Variants in FGF14 observed in about 807,000 individuals in gnomAD.
FGF14 encodes the protein fibroblast growth factor homologous factor 4.
FGF14 carries 5 observed loss-of-function variants against 25.5 expected under a neutral mutation model. That is an observed-to-expected ratio of 0.20 (90% CI 0.10 to 0.41). The LOEUF (loss-of-function observed/expected upper bound fraction) is 0.41, where lower values mean the gene tolerates loss of function less well. Ranked by LOEUF, FGF14 falls within the 10% of genes least tolerant of loss-of-function variation. The pLI is 1.00. For missense variants in FGF14, 222 were observed against 320.1 expected (o/e 0.69, Z 2.34); for synonymous variants, 138 against 118.3 (o/e 1.17, Z -1.08).
intron 1 of FGF14, among the ~76,000 whole-genome samples, chr13:101,987,977 C>T (rs530804140): frequency 6.6e-6 from 1 of 152,112 alleles, no homozygotes; most frequent in East Asian, 1.9e-4. Context: ...TTTTCATTAC[C>T]ACTCTAGAAT....
intron 1 of FGF14, among the ~76,000 whole-genome samples, chr13:101,894,909 A>T (rs935184417): frequency 5.9e-5 from 9 of 152,300 alleles, no homozygotes; most frequent in African/African-American, 1.9e-4. Context: ...AAAGAAAAAA[A>T]ATATTAATTC....
intron 3 of FGF14, among the ~76,000 whole-genome samples, chr13:101,812,599 A>T (rs2041581051): frequency 4.2e-5 from 4 of 95,160 alleles, no homozygotes; most frequent in Admixed American, 1.3e-4. Context: ...CTATTTTTTT[A>T]TATTTTTAAA....
At chr13:101,907,352 C>A (rs971424757) in intron 1 of FGF14, among the ~76,000 whole-genome samples, 1 of 152,052 alleles carries the variant, frequency 6.6e-6, no homozygotes, top group Non-Finnish European at 1.5e-5. Context: ...CCAAATATAT[C>A]GTCACTATAA....
chr13:102,213,622 A>G (rs1482860260), intron 1 of FGF14, among the ~76,000 whole-genome samples: 2 of 152,212 alleles, frequency 1.3e-5, no homozygotes, highest in Non-Finnish European at 2.9e-5. Context: ...TGTCAATGTT[A>G]ACGAAAAAAG....
Position 102,273,513 on chromosome 13 carries a change from A to C in FGF14, c.208+127958T>G, listed in dbSNP as rs554738939. On this transcript the variant is annotated intron_variant, in intron 1 of 4. Transcript: ENST00000376131. The stretch of plus-strand genomic sequence containing the variant: ...TAAGCACTGTGCTTGCTGAAAAGTG[A>C]ATTTTGTGATCTAAAGAAGAATGAA... 2.6e-5 allele frequency among the ~76,000 whole-genome samples: 4 copies of C among 152,310 alleles called. No homozygotes were observed. In the East Asian group the frequency reaches 7.7e-4, roughly 29 times the overall value.
intron 1 of FGF14, among the ~76,000 whole-genome samples, chr13:102,153,292 C>T (rs182337686): frequency 1.1e-4 from 16 of 152,232 alleles, no homozygotes; most frequent in Admixed American, 2.0e-4. Flanking sequence ...GCCCCTGATA[C>T]GCATACATAT....
chr13:102,371,561 G>A (rs558440444), intron 1 of FGF14, among the ~76,000 whole-genome samples: 8 of 151,978 alleles, frequency 5.3e-5, no homozygotes, highest in African/African-American at 7.3e-5. Context: ...CTCTTGTCAC[G>A]TTGCATTATA....
At chr13:101,769,794 GA>G (rs1449230419) in intron 3 of FGF14, among the ~76,000 whole-genome samples, 1 of 152,086 alleles carries the variant, frequency 6.6e-6, no homozygotes, top group African/African-American at 2.4e-5. Context: ...TGGTTGCCAG[GA>G]AATGGGGTGG....
At chr13:102,374,013 A>G (rs762995793) in intron 1 of FGF14, among the ~76,000 whole-genome samples, 2 of 152,124 alleles carry the variant, frequency 1.3e-5, no homozygotes, top group Non-Finnish European at 2.9e-5. Context: ...TACAGAAGGA[A>G]CTCAAGCATT....
At chr13:101,983,125 G>T (rs985036725) in intron 1 of FGF14, among the ~76,000 whole-genome samples, 1 of 145,628 alleles carries the variant, frequency 6.9e-6, no homozygotes, top group Admixed American at 6.7e-5. Context: ...CTGGTAAAGA[G>T]GCTTTCAGAA....
intron 1 of FGF14, among the ~76,000 whole-genome samples, chr13:102,278,440 C>A (rs538613064): frequency 6.6e-6 from 1 of 152,186 alleles, no homozygotes; most frequent in African/African-American, 2.4e-5. Flanking sequence ...TGAAGTTGGT[C>A]TTTTATAAAC....
intron 1 of FGF14, among the ~76,000 whole-genome samples, chr13:102,086,268 C>G (rs978851623): frequency 6.6e-6 from 1 of 152,128 alleles, no homozygotes; most frequent in Non-Finnish European, 1.5e-5. Context: ...TGCCTGTAAT[C>G]CCAGCACTTT....
intron 3 of FGF14, among the ~76,000 whole-genome samples, chr13:101,807,152 C>T (rs1490972155): frequency 6.6e-6 from 1 of 152,126 alleles, no homozygotes; most frequent in Non-Finnish European, 1.5e-5. Flanking sequence ...CCAGACAGCA[C>T]ATCACTCTTA....
intron 1 of FGF14, among the ~76,000 whole-genome samples, chr13:101,941,849 G>A (rs1295548246): frequency 2.6e-5 from 4 of 152,234 alleles, no homozygotes; most frequent in Middle Eastern, 3.4e-3. Flanking sequence ...AATTTTTGGC[G>A]AGTAATTGTT....
At chr13:101,914,873 C>T (rs1335746017) in intron 1 of FGF14, among the ~76,000 whole-genome samples, 5 of 152,210 alleles carry the variant, frequency 3.3e-5, no homozygotes, top group Middle Eastern at 3.4e-3. Flanking sequence ...TGTTTGATGA[C>T]ATAAGAGGAT....
intron 1 of FGF14, among the ~76,000 whole-genome samples, chr13:102,223,105 C>G (rs1262025450): frequency 1.3e-5 from 2 of 152,150 alleles, no homozygotes. Context: ...ATATAGGTTT[C>G]AAATTACCTA....
chr13:102,176,663 T>C (rs2048462918), intron 1 of FGF14, among the ~76,000 whole-genome samples: 1 of 152,138 alleles, frequency 6.6e-6, no homozygotes, highest in Non-Finnish European at 1.5e-5. Context: ...CAATAATGTA[T>C]TGCACAATTA....
chr13:102,372,747 A>G (rs1260093064), intron 1 of FGF14, among the ~76,000 whole-genome samples: 1 of 152,160 alleles, frequency 6.6e-6, no homozygotes. Context: ...CAGGAAAAAC[A>G]AGAAAATGTA....
At chr13:101,891,020 G>A (rs2046242131) in intron 1 of FGF14, among the ~76,000 whole-genome samples, 1 of 152,038 alleles carries the variant, frequency 6.6e-6, no homozygotes, top group Non-Finnish European at 1.5e-5. Context: ...TTTCAGAACT[G>A]TTATCTGGCC....
Sources: allele counts gnomAD v4.1 joint callset (sites outside exome capture counted in the v4.1 genomes callset), GRCh38; gene constraint gnomAD v4.1.1; transcripts MANE v1.5; gene names NCBI Gene and HGNC (gene_info 2026-07-23, HGNC 2026-07-21).